TENM3: variants seen among roughly 807,000 people sequenced by gnomAD.
The protein encoded by TENM3 is teneurin transmembrane protein 3.
In TENM3, 63 loss-of-function variants were observed where a neutral mutation model predicts 255.1. That is an observed-to-expected ratio of 0.25 (90% CI 0.20 to 0.30). The LOEUF is 0.30. Among genes scored for constraint, TENM3 ranks in the 10% least tolerant of loss-of-function variants. The pLI is 1.00. For synonymous variants in TENM3, 1,306 were observed against 1,322.3 expected (o/e 0.99, Z 0.27); for missense variants, 2,929 against 3,461.1 (o/e 0.85, Z 3.86).
chr4:182,783,011 T>C (rs1167321331), intron 24 of TENM3, among the ~76,000 whole-genome samples: 6 of 150,892 alleles, frequency 4.0e-5, no homozygotes, highest in Non-Finnish European at 5.9e-5. Flanking sequence ...CTTTATCCAA[T>C]TTGCCAGTCT....
chr4:181,535,946 A>G, the TENM3 span, among the ~76,000 whole-genome samples: 4,966 of 152,120 alleles, frequency 0.033, 282 homozygotes, highest in African/African-American at 0.11. Flanking sequence ...ATTTTCTCCT[A>G]TAGTCCTCAA....
chr4:181,854,087 A>G, the TENM3 span, among the ~76,000 whole-genome samples: 1 of 152,220 alleles, frequency 6.6e-6, no homozygotes, highest in Non-Finnish European at 1.5e-5. Flanking sequence ...TTAGTACAGG[A>G]TGAATGTGAC....
chr4:182,710,936 TC>T (rs1237944647), intron 12 of TENM3, among the ~76,000 whole-genome samples: 1 of 152,178 alleles, frequency 6.6e-6, no homozygotes, highest in South Asian at 2.1e-4. Flanking sequence ...TCCTGACTGT[TC>T]CTACACACCT....
chr4:181,997,775 C>G, the TENM3 span, among the ~76,000 whole-genome samples: 2 of 152,270 alleles, frequency 1.3e-5, no homozygotes, highest in East Asian at 1.9e-4. Flanking sequence ...CAATAACACT[C>G]ACCCTCTTCC....
the TENM3 span, among the ~76,000 whole-genome samples, chr4:181,712,280 A>G: frequency 1.2e-4 from 18 of 152,118 alleles, no homozygotes; most frequent in African/African-American, 4.1e-4. Flanking sequence ...TCCTGGTGGG[A>G]GGTGATTGGA....
the TENM3 span, among the ~76,000 whole-genome samples, chr4:182,082,735 C>T: frequency 2.0e-5 from 3 of 152,256 alleles, no homozygotes; most frequent in South Asian, 2.1e-4. Context: ...CATGATGCCA[C>T]GTGTGTTTTC....
the TENM3 span, among the ~76,000 whole-genome samples, chr4:181,533,788 C>G: frequency 6.6e-6 from 1 of 152,052 alleles, no homozygotes; most frequent in African/African-American, 2.4e-5. Flanking sequence ...TCTTTCAGAT[C>G]CAGTCTTTCT....
intron 3 of TENM3, among the ~76,000 whole-genome samples, chr4:182,363,938 GA>G (rs1766214295): frequency 6.6e-6 from 1 of 152,050 alleles, no homozygotes; most frequent in African/African-American, 2.4e-5. Flanking sequence ...AGTTGCTACA[GA>G]AAACAAGTAC....
chr4:182,594,679 T>C (rs1022438901), intron 3 of TENM3, among the ~76,000 whole-genome samples: 24 of 137,040 alleles, frequency 1.8e-4, no homozygotes, highest in African/African-American at 6.0e-4. Context: ...CTGTTTTTTG[T>C]TTTGGTGTGT....
At chr4:182,148,136 T>C (rs1165833617) in intron 1 of TENM3, among the ~76,000 whole-genome samples, 1 of 152,126 alleles carries the variant, frequency 6.6e-6, no homozygotes, top group Non-Finnish European at 1.5e-5. Flanking sequence ...CTCCTTCTAA[T>C]TGAGATTAAT....
At position 182,161,835 on chromosome 4, in the gene TENM3, A is replaced by G. The variant is rs867175731; in HGVS notation, c.-76+17081A>G. On this transcript the variant is annotated intron_variant, in intron 1 of 2. Coordinates refer to the TENM3 transcript ENST00000512480. ...TATATGTATATATATACACATATATATGTGTATATATACACAAATATATAT... is the reference window on the plus strand; with the variant it reads ...TATATGTATATATATACACATATATGTGTGTATATATACACAAATATATAT... Among the ~76,000 whole-genome samples the G allele has an allele frequency of 2.5e-4, 10 of 39,386 alleles. 2 individuals are homozygous for G. Among genetic ancestry groups the G allele is most frequent in the Admixed American group, 5.9e-4 (2 of 3,386 alleles). The allele number at this position is 39,386 out of a possible 152,430, so 25.8% of individuals were successfully genotyped here. A position where few individuals can be genotyped will look rare whatever the true frequency, so the allele number is the denominator to read the frequency against.
At chr4:181,845,184 A>C in the TENM3 span, among the ~76,000 whole-genome samples, 1 of 152,174 alleles carries the variant, frequency 6.6e-6, no homozygotes, top group Non-Finnish European at 1.5e-5. Context: ...ATCCTTTTCA[A>C]AACTTGAGAC....
At chr4:182,160,713 A>C (rs972687694) in intron 1 of TENM3, among the ~76,000 whole-genome samples, 1 of 152,210 alleles carries the variant, frequency 6.6e-6, no homozygotes, top group African/African-American at 2.4e-5. Flanking sequence ...CGTTGGTCAA[A>C]GGGTACAGTT....
the TENM3 span, among the ~76,000 whole-genome samples, chr4:181,902,927 C>G: frequency 1.3e-5 from 2 of 152,104 alleles, no homozygotes; most frequent in Non-Finnish European, 2.9e-5. Context: ...AAGTAGCATT[C>G]GTTGTAGAAT....
At chr4:182,336,464 A>G (rs1377483545) in intron 2 of TENM3, among the ~76,000 whole-genome samples, 1 of 152,220 alleles carries the variant, frequency 6.6e-6, no homozygotes, top group Non-Finnish European at 1.5e-5. Flanking sequence ...ACTGCAAAAT[A>G]TTCACAGAGG....
chr4:181,522,429 C>A, the TENM3 span, among the ~76,000 whole-genome samples: 1 of 152,136 alleles, frequency 6.6e-6, no homozygotes, highest in African/African-American at 2.4e-5. Context: ...GCAGATCCTC[C>A]AGAAAGAGCC....
the TENM3 span, among the ~76,000 whole-genome samples, chr4:181,814,657 C>T: frequency 6.6e-6 from 1 of 151,622 alleles, no homozygotes; most frequent in Non-Finnish European, 1.5e-5. Context: ...AGAGAAAAGC[C>T]TTAACACATT....
At chr4:182,110,430 TCCTC>T in the TENM3 span, among the ~76,000 whole-genome samples, 2 of 152,020 alleles carry the variant, frequency 1.3e-5, no homozygotes, top group South Asian at 4.2e-4. Context: ...GCTCAAGTGA[TCCTC>T]CCTCCTCAGC....
the TENM3 span, among the ~76,000 whole-genome samples, chr4:182,032,925 T>G: frequency 6.6e-6 from 1 of 152,082 alleles, no homozygotes; most frequent in African/African-American, 2.4e-5. Context: ...TGTTTGAGTC[T>G]TCACTCTTTT....
Sources: gnomAD v4.1 joint callset for allele counts (sites outside exome capture counted in the v4.1 genomes callset) on GRCh38, gnomAD v4.1.1 for gene constraint, MANE v1.5 for transcripts, NCBI Gene and HGNC (gene_info 2026-07-23, HGNC 2026-07-21) for gene names.